Variants in CTNNA3 observed in about 807,000 individuals in gnomAD.
The protein encoded by CTNNA3 is catenin alpha 3, also known as catenin alpha-3.
A neutral mutation model predicts 95.7 loss-of-function variants in CTNNA3; 76 were observed. That is an observed-to-expected ratio of 0.79 (90% confidence interval 0.66 to 0.96). The LOEUF is 0.96. Among genes scored for constraint, CTNNA3 ranks in the 40% least tolerant of loss-of-function variants. The pLI is 0.00. For missense variants in CTNNA3, 1,191 were observed against 1,089.8 expected (o/e 1.09, Z -1.31); for synonymous variants, 431 against 374.4 (o/e 1.15, Z -1.74).
At chr10:66,319,255 C>A (rs889516649) in intron 12 of CTNNA3, among the ~76,000 whole-genome samples, 1 of 151,982 alleles carries the variant, frequency 6.6e-6, no homozygotes, top group Non-Finnish European at 1.5e-5. Context: ...AGAACTTCAC[C>A]TTGAGAAAAA....
intron 13 of CTNNA3, among the ~76,000 whole-genome samples, chr10:66,233,489 A>G (rs2089694034): frequency 6.6e-6 from 1 of 152,196 alleles, no homozygotes; most frequent in Admixed American, 6.5e-5. Context: ...TAAAAATCAG[A>G]TAACTTATTT....
chr10:67,152,116 C>G (rs964354387), intron 7 of CTNNA3, among the ~76,000 whole-genome samples: 2 of 152,118 alleles, frequency 1.3e-5, no homozygotes, highest in African/African-American at 2.4e-5. Flanking sequence ...AAATTGTACA[C>G]CAAACTCTAA....
chr10:67,660,564 G>A (rs1478919835), intron 1 of CTNNA3, among the ~76,000 whole-genome samples: 4 of 152,154 alleles, frequency 2.6e-5, no homozygotes, highest in Non-Finnish European at 4.4e-5. Flanking sequence ...GAGGTTGAAT[G>A]CAATTTCTCA....
At chr10:66,194,396 A>C (rs1254662055) in intron 13 of CTNNA3, among the ~76,000 whole-genome samples, 1 of 152,122 alleles carries the variant, frequency 6.6e-6, no homozygotes, top group East Asian at 1.9e-4. Flanking sequence ...CCTGGCCAAC[A>C]TGGCAAAAGC....
intron 1 of CTNNA3, among the ~76,000 whole-genome samples, chr10:67,758,922 T>C (rs1564847674): frequency 6.6e-6 from 1 of 152,332 alleles, no homozygotes; most frequent in East Asian, 1.9e-4. Flanking sequence ...TTGATTCTTC[T>C]TCTTACTTCT....
intron 9 of CTNNA3, among the ~76,000 whole-genome samples, chr10:66,636,005 T>TG (rs1443866892): frequency 1.3e-5 from 1 of 79,242 alleles, no homozygotes; most frequent in East Asian, 3.1e-4. Flanking sequence ...TGTGTGTGTG[T>TG]GTGTGTGTGT....
chr10:67,167,112 A>C (rs1227178652), intron 7 of CTNNA3, among the ~76,000 whole-genome samples: 2 of 151,864 alleles, frequency 1.3e-5, no homozygotes, highest in East Asian at 3.9e-4. Context: ...ATCTCAAAAA[A>C]AAGAAAAAAA....
At chr10:66,367,254 G>A (rs1260982109) in intron 12 of CTNNA3, among the ~76,000 whole-genome samples, 2 of 152,066 alleles carry the variant, frequency 1.3e-5, no homozygotes, top group Non-Finnish European at 2.9e-5. Context: ...TACCAACAAG[G>A]TGATTTCAAA....
intron 9 of CTNNA3, among the ~76,000 whole-genome samples, chr10:66,736,165 G>A (rs939702834): frequency 2.6e-5 from 4 of 151,988 alleles, no homozygotes; most frequent in Non-Finnish European, 2.9e-5. Flanking sequence ...TGTCATGGAG[G>A]AAGACCTAGT....
chr10:67,150,270 A>G lies in CTNNA3; in HGVS notation c.1047+30047T>C, dbSNP rs75307690. On this transcript the variant is annotated intron_variant, in intron 7 of 17. Transcript: ENST00000433211. ...ATTTTGATTTGCAAACATCACATAT[A>G]AGGTACTTCAATATCTACTTTTAAT... 1.9e-3 allele frequency among the ~76,000 whole-genome samples: 294 copies of G among 152,312 alleles called. 1 individual carries two copies. Among genetic ancestry groups the G allele is most frequent in the African/African-American group, 6.8e-3 (281 of 41,574 alleles).
At chr10:66,376,962 A>G (rs2092800544) in intron 12 of CTNNA3, among the ~76,000 whole-genome samples, 1 of 152,132 alleles carries the variant, frequency 6.6e-6, no homozygotes, top group Non-Finnish European at 1.5e-5. Context: ...TTCATAGACA[A>G]TGTCTCCATG....
intron 5 of CTNNA3, among the ~76,000 whole-genome samples, chr10:67,231,414 G>C (rs1164552701): frequency 1.3e-5 from 2 of 152,220 alleles, no homozygotes; most frequent in Non-Finnish European, 2.9e-5. Flanking sequence ...AGCAGGGGCA[G>C]ACTGACACCT....
At chr10:67,410,283 T>C (rs776872028) in intron 5 of CTNNA3, among the ~76,000 whole-genome samples, 2 of 151,952 alleles carry the variant, frequency 1.3e-5, no homozygotes, top group Non-Finnish European at 2.9e-5. Flanking sequence ...AGTTTTCACT[T>C]ACAAGTGGGA....
chr10:67,097,745 C>T (rs752980248), intron 7 of CTNNA3: 1 of 1,612,526 alleles, frequency 6.2e-7, no homozygotes. Flanking sequence ...TGGACCTGAG[C>T]ACAATCACAA....
At chr10:66,929,685 C>A (rs905879859) in intron 7 of CTNNA3, among the ~76,000 whole-genome samples, 2 of 152,314 alleles carry the variant, frequency 1.3e-5, no homozygotes, top group Non-Finnish European at 2.9e-5. Flanking sequence ...AATGTCCCTG[C>A]GTTCATCTGT....
At chr10:67,093,852 C>A (rs914947025) in intron 7 of CTNNA3, among the ~76,000 whole-genome samples, 1 of 151,934 alleles carries the variant, frequency 6.6e-6, no homozygotes, top group African/African-American at 2.4e-5. Context: ...GGCACTAACA[C>A]AAATTGTCAT....
intron 13 of CTNNA3, among the ~76,000 whole-genome samples, chr10:66,149,543 T>C (rs1031313834): frequency 6.6e-6 from 1 of 151,526 alleles, no homozygotes; most frequent in Non-Finnish European, 1.5e-5. Flanking sequence ...TCTTCTTTTA[T>C]TGTGTTTTTA....
At chr10:67,221,358 A>G (rs1189258021) in intron 5 of CTNNA3, among the ~76,000 whole-genome samples, 2 of 152,206 alleles carry the variant, frequency 1.3e-5, no homozygotes, top group African/African-American at 4.8e-5. Flanking sequence ...CATTCACTTC[A>G]TATACAACAT....
intron 1 of CTNNA3, among the ~76,000 whole-genome samples, chr10:67,705,014 A>C (rs149009938): frequency 2.0e-5 from 3 of 152,212 alleles, no homozygotes; most frequent in Admixed American, 6.5e-5. Flanking sequence ...GCAGCCAAAA[A>C]ACACATGAAA....
Sources: gnomAD v4.1 joint callset for allele counts (sites outside exome capture counted in the v4.1 genomes callset) on GRCh38, gnomAD v4.1.1 for gene constraint, MANE v1.5 for transcripts, NCBI Gene and HGNC (gene_info 2026-07-23, HGNC 2026-07-21) for gene names.